RBM47: variants seen among roughly 807,000 people sequenced by gnomAD.
RBM47 encodes RNA-binding protein 47.
Under a neutral mutation model 47.1 loss-of-function variants are expected in RBM47, and 21 were observed. The observed-to-expected ratio is 0.45, with a 90% CI of 0.32 to 0.64. RBM47 has a LOEUF of 0.64. Among genes scored for constraint, RBM47 ranks in the 30% least tolerant of loss-of-function variants. The pLI is 0.05. For missense variants in RBM47, 708 were observed against 870.9 expected, an observed-to-expected ratio of 0.81 and a Z score of 2.35; for synonymous variants, 375 against 361.7, an observed-to-expected ratio of 1.04 and a Z score of -0.42.
At chr4:40,493,050 G>A (rs1459877288) in intron 2 of RBM47, among the ~76,000 whole-genome samples, 1 of 152,112 alleles carries the variant, frequency 6.6e-6, no homozygotes, top group African/African-American at 2.4e-5. Flanking sequence ...TTTGGAGTGT[G>A]GCACAGAGAA....
At chr4:40,475,468 A>C (rs185682430) in intron 2 of RBM47, among the ~76,000 whole-genome samples, 75 of 152,300 alleles carry the variant, frequency 4.9e-4, no homozygotes, top group Non-Finnish European at 7.5e-4. Flanking sequence ...AGAAAAACTC[A>C]TTTTTTAGAA....
intron 1 of RBM47, among the ~76,000 whole-genome samples, chr4:40,593,205 A>G (rs1312007577): frequency 6.7e-6 from 1 of 149,134 alleles, no homozygotes; most frequent in South Asian, 2.1e-4. Flanking sequence ...TCACCGTGTT[A>G]GCCAGAAGGG....
chr4:40,437,916 G>A lies in RBM47; in HGVS notation c.978C>T (p.Arg326=). The A allele has an allele frequency of 6.2e-7, 1 of 1,613,896 alleles. No homozygotes were observed. Among genetic ancestry groups the A allele is most frequent in the Non-Finnish European group, 8.5e-7 (1 of 1,180,024 alleles). Reference sequence around the variant, plus strand: ...CGCCGCCCCTGGCTGCCTTCTGGTAGCGCGAGTACTGCTCCTTGTCCACGG... The same window carrying A: ...CGCCGCCCCTGGCTGCCTTCTGGTAACGCGAGTACTGCTCCTTGTCCACGG... ...AKPVDKEQYS[R]YQKAARGGGA... The change falls in exon 4 of 7, where the codon CGC becomes CGT. Residue 326 remains arginine (R), a synonymous_variant. Coordinates refer to ENST00000295971, the MANE Select transcript of RBM47 (RefSeq NM_001098634.2).
At chr4:40,499,006 T>C (rs995440458) in intron 2 of RBM47, among the ~76,000 whole-genome samples, 19 of 151,804 alleles carry the variant, frequency 1.3e-4, no homozygotes, top group Non-Finnish European at 2.1e-4. Flanking sequence ...GATTACACCA[T>C]TGCACTCCAG....
intron 1 of RBM47, among the ~76,000 whole-genome samples, chr4:40,603,933 T>C (rs920064238): frequency 6.6e-6 from 1 of 152,184 alleles, no homozygotes; most frequent in Non-Finnish European, 1.5e-5. Context: ...GCTGATTTTA[T>C]GTTCCTGTCC....
chr4:40,526,691 G>A (rs536778988), intron 2 of RBM47, among the ~76,000 whole-genome samples: 79 of 151,224 alleles, frequency 5.2e-4, no homozygotes, highest in African/African-American at 1.5e-3. Context: ...CTCCTGCTTC[G>A]GCCTCCTGAG....
intron 2 of RBM47, among the ~76,000 whole-genome samples, chr4:40,529,931 C>CCTTTTTTTTTTTTTTTTT (rs1560448538): frequency 8.0e-6 from 1 of 124,486 alleles, no homozygotes; most frequent in Non-Finnish European, 1.6e-5. Context: ...ATTAGACCCC[C>CCTTTTTTTTTTTTTTTTT]TTTTTTTTTT....
Position 40,423,685 on chromosome 4 carries a change from TTTC to T in RBM47, c.*2216_*2218del, listed in dbSNP as rs1347925168. 0.012 allele frequency: 1,285 copies of T among 107,160 alleles called. 35 individuals carry two copies. The highest frequency in any genetic ancestry group is 0.056 in the African/African-American group (1,203 of 21,366). 6.6% of individuals were successfully genotyped at this position (107,160 alleles called of 1,614,324 possible). A position where few individuals can be genotyped will look rare whatever the true frequency, so the allele number is the denominator to read the frequency against. On this transcript the variant is annotated 3_prime_UTR_variant, in exon 7 of 7. Transcript: ENST00000295971. ...CTTTCTTTCTTTCTTTCTTTCTTTC[TTTC>T]TTTCTTTCTTTCTTTCTTTCTTTCT...
At chr4:40,614,955 G>C (rs1208452510) in intron 1 of RBM47, among the ~76,000 whole-genome samples, 1 of 151,892 alleles carries the variant, frequency 6.6e-6, no homozygotes, top group Non-Finnish European at 1.5e-5. Flanking sequence ...TCTCACGGGT[G>C]GTTTGTTGGT....
At chr4:40,599,388 C>A (rs1452761457) in intron 1 of RBM47, among the ~76,000 whole-genome samples, 3 of 152,038 alleles carry the variant, frequency 2.0e-5, no homozygotes, top group Non-Finnish European at 2.9e-5. Flanking sequence ...AAATGGAAAC[C>A]CATTTAGGTT....
At chr4:40,606,548 G>A (rs984120159) in intron 1 of RBM47, among the ~76,000 whole-genome samples, 9 of 152,066 alleles carry the variant, frequency 5.9e-5, no homozygotes, top group Admixed American at 3.9e-4. Flanking sequence ...CCGACGGCCC[G>A]CCTGGCCCCA....
chr4:40,619,453 C>T (rs1737054600), intron 1 of RBM47, among the ~76,000 whole-genome samples: 1 of 152,074 alleles, frequency 6.6e-6, no homozygotes, highest in Non-Finnish European at 1.5e-5. Context: ...TCTCTTAGGC[C>T]TGGAGTAACA....
chr4:40,610,266 G>C (rs914485822), intron 1 of RBM47, among the ~76,000 whole-genome samples: 1 of 152,054 alleles, frequency 6.6e-6, no homozygotes, highest in Non-Finnish European at 1.5e-5. Context: ...GATCATAATT[G>C]TAAGTACTTC....
intron 1 of RBM47, among the ~76,000 whole-genome samples, chr4:40,608,088 C>T (rs190121631): frequency 2.6e-5 from 4 of 151,512 alleles, no homozygotes; most frequent in Admixed American, 2.0e-4. Context: ...GGCAACAGAG[C>T]GAAACTCCAT....
intron 4 of RBM47, chr4:40,436,860 T>G (rs538758327): frequency 5.8e-6 from 4 of 687,308 alleles, no homozygotes; most frequent in Non-Finnish European, 1.1e-5. Context: ...GAGGCAAACT[T>G]GCAGGGTGAG....
At chr4:40,483,889 T>C (rs759165782) in intron 2 of RBM47, among the ~76,000 whole-genome samples, 25 of 152,200 alleles carry the variant, frequency 1.6e-4, no homozygotes, top group Non-Finnish European at 1.5e-4. Flanking sequence ...TTTATTCTTT[T>C]TACTTAGCAA....
At chr4:40,605,172 G>A (rs904452439) in intron 1 of RBM47, among the ~76,000 whole-genome samples, 6 of 149,526 alleles carry the variant, frequency 4.0e-5, no homozygotes, top group South Asian at 2.1e-4. Flanking sequence ...ACAGGCACCC[G>A]CCACCGCGCC....
At chr4:40,452,600 A>G (rs1189847596) in intron 3 of RBM47, among the ~76,000 whole-genome samples, 1 of 152,174 alleles carries the variant, frequency 6.6e-6, no homozygotes, top group African/African-American at 2.4e-5. Context: ...GAAGTTCTGT[A>G]TCTTGTCAGC....
intron 3 of RBM47, among the ~76,000 whole-genome samples, chr4:40,451,740 T>A (rs1167917276): frequency 6.6e-6 from 1 of 152,244 alleles, no homozygotes; most frequent in African/African-American, 2.4e-5. Flanking sequence ...TATTTGCATA[T>A]GAATTGATTC....
Sources: gnomAD v4.1 joint callset for allele counts (sites outside exome capture counted in the v4.1 genomes callset) on GRCh38, gnomAD v4.1.1 for gene constraint, MANE v1.5 for transcripts, NCBI Gene and HGNC (gene_info 2026-07-23, HGNC 2026-07-21) for gene names.